Variants in TBXAS1 observed in about 807,000 individuals in gnomAD.
TBXAS1 encodes thromboxane-A synthase.
TBXAS1 carries 48 observed loss-of-function variants against 60.7 expected under a neutral mutation model. The ratio of observed to expected loss-of-function variants is 0.79; its 90% CI spans 0.63 to 1.01. The LOEUF (loss-of-function observed/expected upper bound fraction) is 1.01, where lower values mean the gene tolerates loss of function less well. Among genes scored for constraint, TBXAS1 ranks in the 50% least tolerant of loss-of-function variants. TBXAS1 has a pLI of 0.00. For synonymous variants in TBXAS1, 287 were observed against 269.7 expected (o/e 1.06, Z -0.63); for missense variants, 685 against 686.3 (o/e 1.00, Z 0.02).
intron 9 of TBXAS1, among the ~76,000 whole-genome samples, chr7:139,973,919 G>C (rs558158259): frequency 6.6e-6 from 1 of 152,226 alleles, no homozygotes; most frequent in African/African-American, 2.4e-5. Flanking sequence ...CCAAACAGGG[G>C]CCAGAGCTGT....
At chr7:139,930,127 C>T (rs1315034477) in intron 4 of TBXAS1, among the ~76,000 whole-genome samples, 2 of 152,178 alleles carry the variant, frequency 1.3e-5, no homozygotes, top group Non-Finnish European at 2.9e-5. Context: ...TGTAATGGTT[C>T]CCATGCCCAC....
rs532460609 is a variant in TBXAS1, at chr7:139,962,360, G to C, written c.1134+127G>C. On this transcript the variant is annotated intron_variant, in intron 9 of 12. Coordinates refer to ENST00000448866, the MANE Select transcript of TBXAS1 (RefSeq NM_001061.7). ...ATTCTAAGCTTATAAGATGAAATAG[G>C]GTCATTGCTTGGCTTCTCCTGCTCT... 2.6e-4 allele frequency: 307 copies of C among 1,198,692 alleles called. 5 individuals are homozygous for C. The South Asian group carries it at 3.9e-3, about 15-fold the overall frequency. 74.3% of individuals were successfully genotyped at this position (1,198,692 alleles called of 1,614,324 possible). A position where few individuals can be genotyped will look rare whatever the true frequency, so the allele number is the denominator to read the frequency against.
intron 9 of TBXAS1, among the ~76,000 whole-genome samples, chr7:139,973,425 T>C (rs1447469908): frequency 6.6e-6 from 1 of 152,050 alleles, no homozygotes; most frequent in Non-Finnish European, 1.5e-5. Flanking sequence ...AATTGGAAAA[T>C]GAGTCTAGAA....
At chr7:139,982,617 A>G (rs1450742942) in intron 9 of TBXAS1, among the ~76,000 whole-genome samples, 1 of 152,160 alleles carries the variant, frequency 6.6e-6, no homozygotes. Context: ...GTTTTAGGAA[A>G]CATGTCACCT....
intron 8 of TBXAS1, among the ~76,000 whole-genome samples, chr7:139,958,710 C>T (rs979308309): frequency 6.6e-6 from 1 of 152,200 alleles, no homozygotes; most frequent in East Asian, 1.9e-4. Flanking sequence ...TGCAGCTTCA[C>T]GCCCGGAGAA....
chr7:139,977,626 C>A (rs932054972), intron 9 of TBXAS1, among the ~76,000 whole-genome samples: 1 of 152,130 alleles, frequency 6.6e-6, no homozygotes, highest in Non-Finnish European at 1.5e-5. Flanking sequence ...AGAGGAAATG[C>A]TTCTGGCTGC....
chr7:139,859,633 C>G (rs901806006), intron 1 of TBXAS1, among the ~76,000 whole-genome samples: 4 of 152,136 alleles, frequency 2.6e-5, no homozygotes, highest in Non-Finnish European at 5.9e-5. Context: ...AATGTACAGG[C>G]AACTTGCAGA....
At chr7:139,796,545 G>T (rs1444991046) in intron 4 of TBXAS1, among the ~76,000 whole-genome samples, 1 of 152,180 alleles carries the variant, frequency 6.6e-6, no homozygotes, top group Admixed American at 6.5e-5. Context: ...TATCCTGTCT[G>T]GTACTGCAAT....
chr7:139,936,001 GC>G (rs946271514), intron 4 of TBXAS1, among the ~76,000 whole-genome samples, 189 bp from the exon 5 acceptor site: 25 of 152,224 alleles, frequency 1.6e-4, no homozygotes, highest in African/African-American at 6.0e-4. Flanking sequence ...CTCCCTCTGG[GC>G]CCCGCCATGA....
chr7:140,002,876 C>A (rs1813770588), intron 9 of TBXAS1, among the ~76,000 whole-genome samples: 1 of 152,056 alleles, frequency 6.6e-6, no homozygotes, highest in Non-Finnish European at 1.5e-5. Context: ...GTAATCCCAG[C>A]ACTTTGGGAG....
chr7:139,804,079 C>A, intron 4 of TBXAS1, among the ~76,000 whole-genome samples: 1 of 152,190 alleles, frequency 6.6e-6, no homozygotes, highest in East Asian at 1.9e-4. Context: ...GCACCATACA[C>A]CAGGAAAAGC....
In TBXAS1 at chr7:139,999,382, G is replaced by C. The variant is rs980291739; in HGVS notation, c.1135-7709G>C. ...TCTATAAAAATACAATAACTACGTG[G>C]GCATGGTGGTGAGCGCCTGTAATTC... On this transcript the variant is annotated intron_variant, in intron 9 of 12. Transcript: ENST00000448866. This position sits in a 1 kb window ranked among gnomAD's most constrained non-coding sequence, Gnocchi z 4.3. 2.0e-5 allele frequency among the ~76,000 whole-genome samples: 3 copies of C among 152,182 alleles called. No individual in the cohort carries two copies. The highest frequency in any genetic ancestry group is 7.2e-5 in the African/African-American group (3 of 41,442).
At position 139,804,077 on chromosome 7, in the gene TBXAS1, C is replaced by A. The variant is rs562342870; in HGVS notation, c.-80+16651C>A. On this transcript the variant is annotated intron_variant, in intron 4 of 16. Coordinates refer to the TBXAS1 transcript ENST00000336425. The stretch of plus-strand genomic sequence containing the variant: ...AGATCCACTGACAGCCTGCACCATA[C>A]ACCAGGAAAAGCTGCAGACACTCAA... Among the ~76,000 whole-genome samples the A allele has an allele frequency of 7.2e-5, 11 of 152,324 alleles. No individual in the cohort carries two copies. In the East Asian group the frequency reaches 2.1e-3, roughly 29 times the overall value.
intron 4 of TBXAS1, among the ~76,000 whole-genome samples, chr7:139,915,368 C>T (rs17161239): frequency 0.026 from 3,938 of 152,266 alleles, 102 homozygotes; most frequent in African/African-American, 0.068. Flanking sequence ...CTTAAGCGTT[C>T]AGCAATTCAG....
At chr7:139,948,379 C>T (rs537643230) in intron 5 of TBXAS1, among the ~76,000 whole-genome samples, 1 of 152,172 alleles carries the variant, frequency 6.6e-6, no homozygotes, top group East Asian at 1.9e-4. Context: ...GATCAGGGCC[C>T]CATCCTTGTG....
At chr7:140,019,639 C>G (rs6952262) in intron 12 of TBXAS1, among the ~76,000 whole-genome samples, 45,540 of 152,074 alleles carry the variant, frequency 0.3, 7,839 homozygotes, top group East Asian at 0.56. Flanking sequence ...AGAGGAAACC[C>G]AACTCCTCGA....
chr7:140,007,667 C>A (rs934295400), intron 10 of TBXAS1, among the ~76,000 whole-genome samples: 24 of 152,256 alleles, frequency 1.6e-4, no homozygotes, highest in Admixed American at 1.3e-3. Context: ...CCATCCAACA[C>A]CCCCAGCTGT....
chr7:139,953,521 T>C (rs1463913384), intron 6 of TBXAS1, 65 bp downstream of exon 6: 18 of 1,481,188 alleles, frequency 1.2e-5, no homozygotes, highest in Admixed American at 3.4e-5. Flanking sequence ...TAACTGTCCA[T>C]AATTGCTGAC....
At chr7:139,865,785 GAGGA>G (rs1317994695) in intron 1 of TBXAS1, among the ~76,000 whole-genome samples, 19 of 114,284 alleles carry the variant, frequency 1.7e-4, no homozygotes, top group East Asian at 2.9e-4. Context: ...AGAAGGAAGG[GAGGA>G]AGGAAGGAAG....
Sources: gnomAD v4.1 joint callset for allele counts (sites outside exome capture counted in the v4.1 genomes callset) on GRCh38, gnomAD v4.1.1 for gene constraint, Gnocchi (gnomAD v3.1) non-coding constraint, MANE v1.5 for transcripts, NCBI Gene and HGNC (gene_info 2026-07-23, HGNC 2026-07-21) for gene names.